The following DPP10 variants were observed in gnomAD, a reference collection of about 807,000 sequenced individuals.
DPP10 encodes the protein dipeptidyl peptidase like 10.
In DPP10, 33 loss-of-function variants were observed where a neutral mutation model predicts 120.9. The ratio of observed to expected loss-of-function variants is 0.27; its 90% CI spans 0.21 to 0.37. The LOEUF is 0.37. DPP10 is among the 10% of genes least tolerant of loss of function. DPP10 has a pLI of 1.00. For synonymous variants in DPP10, 337 were observed against 326.1 expected (o/e 1.03, Z -0.36); for missense variants, 816 against 942.8 (o/e 0.87, Z 1.76).
At chr2:115,060,545 C>G (rs1706323094) in intron 1 of DPP10, among the ~76,000 whole-genome samples, 1 of 152,142 alleles carries the variant, frequency 6.6e-6, no homozygotes, top group Non-Finnish European at 1.5e-5. Flanking sequence ...TGAGCGGAGA[C>G]TGTGCCACTG....
intron 1 of DPP10, among the ~76,000 whole-genome samples, chr2:114,761,429 C>T (rs1309287683): frequency 1.3e-5 from 2 of 152,250 alleles, no homozygotes; most frequent in African/African-American, 2.4e-5. Flanking sequence ...CTTTTCTCCC[C>T]TCTTAAAGAG....
At chr2:115,841,677 A>G (rs1690162068) in intron 25 of DPP10, among the ~76,000 whole-genome samples, 1 of 152,190 alleles carries the variant, frequency 6.6e-6, no homozygotes, top group Admixed American at 6.5e-5. Context: ...TAATGGGATA[A>G]TATTTGTATT....
chr2:115,528,749 A>C (rs999205725), intron 5 of DPP10, among the ~76,000 whole-genome samples: 1 of 152,168 alleles, frequency 6.6e-6, no homozygotes, highest in African/African-American at 2.4e-5. Context: ...CCAAGTGAAA[A>C]AAAAACAGTC....
At chr2:115,829,357 T>C (rs189375992) in intron 21 of DPP10, among the ~76,000 whole-genome samples, 1 of 152,268 alleles carries the variant, frequency 6.6e-6, no homozygotes, top group African/African-American at 2.4e-5. Context: ...AGGGTTTATT[T>C]CTGTTGAATT....
At chr2:115,427,588 T>TG (rs2070598025) in intron 3 of DPP10, among the ~76,000 whole-genome samples, 1 of 152,142 alleles carries the variant, frequency 6.6e-6, no homozygotes, top group Non-Finnish European at 1.5e-5. Context: ...GAGGTAACAC[T>TG]GGGCAGTAGC....
In DPP10 at chr2:114,600,034, T is replaced by C. The variant is rs1692240037; in HGVS notation, c.60+157196T>C. Among the ~76,000 whole-genome samples the C allele has an allele frequency of 2.6e-5, 4 of 151,698 alleles. No homozygotes were observed. The South Asian group carries it at 6.2e-4, about 24-fold the overall frequency. ...TTTTTAATGTGTATTCTGTTTGGGATTCATTGAGCTTCCTCTAGGGATCAA... is the reference window on the plus strand; with the variant it reads ...TTTTTAATGTGTATTCTGTTTGGGACTCATTGAGCTTCCTCTAGGGATCAA... On this transcript the variant is annotated intron_variant, in intron 1 of 25. Transcript: ENST00000410059.
intron 1 of DPP10, among the ~76,000 whole-genome samples, chr2:114,621,475 T>C (rs1694086055): frequency 6.6e-6 from 1 of 152,142 alleles, no homozygotes; most frequent in African/African-American, 2.4e-5. Flanking sequence ...ACACAGATTC[T>C]AAATGGTGAA....
At chr2:114,807,723 A>T (rs1207561816) in intron 1 of DPP10, among the ~76,000 whole-genome samples, 1 of 152,176 alleles carries the variant, frequency 6.6e-6, no homozygotes, top group Admixed American at 6.5e-5. Flanking sequence ...CTCTGTTGCT[A>T]TGTAACAAAC....
chr2:115,332,248 T>G (rs2062794258), intron 2 of DPP10, among the ~76,000 whole-genome samples: 1 of 152,228 alleles, frequency 6.6e-6, no homozygotes, highest in Admixed American at 6.5e-5. Context: ...GTAGTTTGTA[T>G]TTCTGTGGGA....
At chr2:115,495,629 T>A (rs1249009836) in intron 3 of DPP10, among the ~76,000 whole-genome samples, 1 of 152,090 alleles carries the variant, frequency 6.6e-6, no homozygotes, top group Non-Finnish European at 1.5e-5. Flanking sequence ...AGATTTTAAA[T>A]TAGGATACTA....
At chr2:115,530,300 A>G (rs972399943) in intron 5 of DPP10, among the ~76,000 whole-genome samples, 1 of 152,142 alleles carries the variant, frequency 6.6e-6, no homozygotes, top group African/African-American at 2.4e-5. Flanking sequence ...ATAACCAGGA[A>G]GAGGTGATAT....
rs577643293 is a variant in DPP10 at position 115,219,194 on chromosome 2, C to G, written c.61-90045C>G. Reference sequence around the variant, plus strand: ...CATCCCAAGATGGTAAACACATGCTCATAACATAGGTCTGCATTGACCTCT... The same window carrying G: ...CATCCCAAGATGGTAAACACATGCTGATAACATAGGTCTGCATTGACCTCT... On this transcript the variant is annotated intron_variant, in intron 1 of 25. Coordinates refer to ENST00000410059, the MANE Select transcript of DPP10 (RefSeq NM_020868.6). Among the ~76,000 whole-genome samples, 4 of 152,214 alleles carry G rather than the reference C, an allele frequency of 2.6e-5. 1 individual carries two copies. The highest frequency in any genetic ancestry group is 9.6e-5 in the African/African-American group (4 of 41,554).
chr2:115,763,111 C>A (rs888022431), intron 12 of DPP10, among the ~76,000 whole-genome samples: 1 of 152,132 alleles, frequency 6.6e-6, no homozygotes, highest in Non-Finnish European at 1.5e-5. Context: ...TGGTCTCATC[C>A]TGGACAATTC....
intron 5 of DPP10, among the ~76,000 whole-genome samples, chr2:115,663,624 C>T (rs2089197082): frequency 6.6e-6 from 1 of 152,162 alleles, no homozygotes; most frequent in Non-Finnish European, 1.5e-5. Context: ...ATTCGGCCAC[C>T]TCTTATTCTC....
intron 1 of DPP10, among the ~76,000 whole-genome samples, chr2:114,901,667 T>A (rs577877901): frequency 1.3e-5 from 2 of 152,298 alleles, no homozygotes; most frequent in East Asian, 3.9e-4. Context: ...GACATCTCAA[T>A]TGGCTTAGCT....
At chr2:114,803,042 C>T (rs190915914) in intron 1 of DPP10, among the ~76,000 whole-genome samples, 14 of 152,258 alleles carry the variant, frequency 9.2e-5, no homozygotes, top group Admixed American at 3.3e-4. Context: ...AGAATTCCTA[C>T]GTGTTGTACG....
chr2:115,577,090 GCTCT>G (rs892486379), intron 5 of DPP10, among the ~76,000 whole-genome samples: 1 of 151,948 alleles, frequency 6.6e-6, no homozygotes, highest in Non-Finnish European at 1.5e-5. Context: ...AGCTCCTAAT[GCTCT>G]CTCTCTCTGT....
At chr2:115,064,966 A>G (rs970450766) in intron 1 of DPP10, among the ~76,000 whole-genome samples, 2 of 152,156 alleles carry the variant, frequency 1.3e-5, no homozygotes, top group African/African-American at 4.8e-5. Flanking sequence ...ACATATATTT[A>G]ATGTGTATGT....
At position 114,663,203 on chromosome 2, in the gene DPP10, A is replaced by C. The variant is rs1195180494; in HGVS notation, c.60+220365A>C. Among the ~76,000 whole-genome samples the C allele has an allele frequency of 2.0e-5, 3 of 150,994 alleles. No homozygotes were observed. In the South Asian group the frequency reaches 6.2e-4, roughly 31 times the overall value. ...ATATCGTGTTTCCTGCGTAATCACT[A>C]TCTCCAGTAAACAGATGTGTATATT... On this transcript the variant is annotated intron_variant, in intron 1 of 25. Transcript: ENST00000410059.
Sources: allele counts gnomAD v4.1 joint callset (sites outside exome capture counted in the v4.1 genomes callset), GRCh38; gene constraint gnomAD v4.1.1; transcripts MANE v1.5; gene names NCBI Gene and HGNC (gene_info 2026-07-23, HGNC 2026-07-21).